The following PPP1R14C variants were observed in gnomAD, a reference collection of about 807,000 sequenced individuals.
PPP1R14C encodes protein phosphatase 1 regulatory subunit 14C.
PPP1R14C carries 16 observed loss-of-function variants against 20.4 expected under a neutral mutation model. That is an observed-to-expected ratio of 0.78 (90% CI 0.53 to 1.19). PPP1R14C has a LOEUF of 1.19. Ranked by LOEUF, PPP1R14C falls within the 50% of genes most tolerant of loss-of-function variation. The probability of loss-of-function intolerance (pLI) is 0.00; values close to 1 mark genes in which losing one functional copy is unlikely to be tolerated. For synonymous variants in PPP1R14C, 91 were observed against 91.0 expected (o/e 1.00, Z 0.00); for missense variants, 211 against 220.1 (o/e 0.96, Z 0.26).
chr6:150,160,795 C>A (rs865844371), intron 1 of PPP1R14C, among the ~76,000 whole-genome samples: 1 of 151,928 alleles, frequency 6.6e-6, no homozygotes, highest in African/African-American at 2.4e-5. Flanking sequence ...TTGGCTATTG[C>A]GAGCTGTTTC....
Position 150,144,910 on chromosome 6 carries a change from T to C in PPP1R14C, c.306+1412T>C, listed in dbSNP as rs1304611347. ...GCAAAACTCTGTAAAGAAACATTAT[T>C]TGATGTAGATGGGATTACTGTTGGA... On this transcript the variant is annotated intron_variant, in intron 1 of 3. Transcript: ENST00000361131. Among the ~76,000 whole-genome samples, 4 of 152,208 alleles carry C rather than the reference T, an allele frequency of 2.6e-5. No individual in the cohort carries two copies. In the South Asian group the frequency reaches 6.2e-4, roughly 24 times the overall value.
At chr6:150,167,943 G>GTTCTCCCCTTCTCTCCTCCCCCT (rs1582900406) in intron 1 of PPP1R14C, among the ~76,000 whole-genome samples, 16 of 9,946 alleles carry the variant, frequency 1.6e-3, no homozygotes, top group Middle Eastern at 0.062. Flanking sequence ...CCATGTCTCC[G>GTTCTCCCCTTCTCTCCTCCCCCT]TTCTCCCCTT....
Position 150,201,477 on chromosome 6 carries a change from T to C in PPP1R14C, c.307-13267T>C, listed in dbSNP as rs55747871. Among the ~76,000 whole-genome samples, 32,730 of 152,096 alleles carry C rather than the reference T, an allele frequency of 0.22. 4,232 individuals carry two copies. Among genetic ancestry groups the C allele is most frequent in the Non-Finnish European group, 0.29 (19,987 of 67,980 alleles). ...GTGGAGGCCTGGCTGGGGAGTGTCCTGAGGGATCGGAGGAGACCAGCGGAG... is the reference window on the plus strand; with the variant it reads ...GTGGAGGCCTGGCTGGGGAGTGTCCCGAGGGATCGGAGGAGACCAGCGGAG... On this transcript the variant is annotated intron_variant, in intron 1 of 3. Coordinates refer to ENST00000361131, the MANE Select transcript of PPP1R14C (RefSeq NM_030949.3). The surrounding 1 kb of genome is among the most constrained non-coding windows in gnomAD (Gnocchi z 4.2).
chr6:150,143,090 G>A lies in PPP1R14C; in HGVS notation c.-103G>A, dbSNP rs913659267. 69 of 1,127,492 alleles carry A rather than the reference G, an allele frequency of 6.1e-5. No homozygotes were observed. Among genetic ancestry groups the A allele is most frequent in the Non-Finnish European group, 7.3e-5 (68 of 926,058 alleles). 69.8% of individuals were successfully genotyped at this position (1,127,492 alleles called of 1,614,324 possible). ...GCGCGCGGCGCAGAGCAGGTGCCGG[G>A]GAGCCCTTCGCATGCGGCTGCCGGG... On this transcript the variant is annotated 5_prime_UTR_variant, in exon 1 of 4. Transcript: ENST00000361131. This position sits in a 1 kb window ranked among gnomAD's most constrained non-coding sequence, Gnocchi z 5.6.
intron 1 of PPP1R14C, among the ~76,000 whole-genome samples, chr6:150,182,741 A>G (rs1264247975): frequency 2.0e-5 from 3 of 152,234 alleles, no homozygotes; most frequent in African/African-American, 7.2e-5. Context: ...TAGGTACAAT[A>G]GCCAGCCATG....
intron 3 of PPP1R14C, among the ~76,000 whole-genome samples, chr6:150,228,819 TAAC>T (rs1263624236): frequency 6.6e-6 from 1 of 152,196 alleles, no homozygotes; most frequent in Admixed American, 6.5e-5. Context: ...ATGGTGATGA[TAAC>T]AATAATAATA....
chr6:150,208,192 T>C (rs1777978107), intron 1 of PPP1R14C, among the ~76,000 whole-genome samples: 1 of 151,876 alleles, frequency 6.6e-6, no homozygotes, highest in Non-Finnish European at 1.5e-5. Flanking sequence ...TTCGGAGGGG[T>C]CAAACCACAT....
intron 1 of PPP1R14C, among the ~76,000 whole-genome samples, chr6:150,198,436 G>A (rs1470419087): frequency 6.6e-6 from 1 of 152,266 alleles, no homozygotes; most frequent in East Asian, 1.9e-4. Flanking sequence ...CCAGGGAGGG[G>A]AGAGCTGCCC....
At chr6:150,204,749 C>A (rs1370103029) in intron 1 of PPP1R14C, among the ~76,000 whole-genome samples, 3 of 152,206 alleles carry the variant, frequency 2.0e-5, no homozygotes, top group Non-Finnish European at 4.4e-5. Flanking sequence ...CCTGGGTCTG[C>A]TTCTCTCCAA....
chr6:150,227,045 C>T (rs1778238374), intron 3 of PPP1R14C, among the ~76,000 whole-genome samples: 1 of 152,194 alleles, frequency 6.6e-6, no homozygotes, highest in African/African-American at 2.4e-5. Context: ...TTCAGACTAG[C>T]TTTGGTGATG....
chr6:150,198,750 T>G (rs549062157), intron 1 of PPP1R14C, among the ~76,000 whole-genome samples: 3 of 152,330 alleles, frequency 2.0e-5, no homozygotes, highest in Admixed American at 2.0e-4. Flanking sequence ...CTGCTGAGCT[T>G]GGCTTCCACA....
chr6:150,217,016 T>C (rs960962371), intron 3 of PPP1R14C, among the ~76,000 whole-genome samples, 160 bp downstream of exon 3: 25 of 152,218 alleles, frequency 1.6e-4, no homozygotes, highest in African/African-American at 5.8e-4. Context: ...TCTAACTTCA[T>C]TATTTCTAAG....
intron 1 of PPP1R14C, among the ~76,000 whole-genome samples, chr6:150,176,915 G>A (rs9479844): frequency 0.074 from 11,279 of 152,286 alleles, 559 homozygotes; most frequent in Non-Finnish European, 0.12. Flanking sequence ...AGATCACGAG[G>A]AAGGGCTAGT....
chr6:150,230,489 C>T (rs1309785047), intron 3 of PPP1R14C, among the ~76,000 whole-genome samples: 1 of 152,160 alleles, frequency 6.6e-6, no homozygotes, highest in East Asian at 1.9e-4. Context: ...CCTTTGGAAT[C>T]CTCATCTGCT....
At chr6:150,215,948 C>T (rs967512571) in intron 2 of PPP1R14C, among the ~76,000 whole-genome samples, 2 of 152,100 alleles carry the variant, frequency 1.3e-5, no homozygotes, top group Non-Finnish European at 2.9e-5. Context: ...AAGGTGTGTG[C>T]ATGCGCGTGT....
intron 1 of PPP1R14C, among the ~76,000 whole-genome samples, chr6:150,158,828 C>A (rs1300484195): frequency 2.0e-5 from 3 of 151,966 alleles, no homozygotes; most frequent in Non-Finnish European, 4.4e-5. Flanking sequence ...TTTCCATCTT[C>A]TTTTTGAGGA....
At chr6:150,247,453 G>A (rs1778506186) in intron 3 of PPP1R14C, among the ~76,000 whole-genome samples, 1 of 152,152 alleles carries the variant, frequency 6.6e-6, no homozygotes, top group South Asian at 2.1e-4. Flanking sequence ...TGTGTAAAGT[G>A]GGAACCATTC....
intron 1 of PPP1R14C, chr6:150,194,455 C>G (rs1335796004): frequency 1.0e-6 from 1 of 982,832 alleles, no homozygotes; most frequent in Non-Finnish European, 1.2e-6. Flanking sequence ...TTTTAAGTGG[C>G]ATGTGTAATT....
chr6:150,193,528 A>G (rs1777769476), intron 1 of PPP1R14C, among the ~76,000 whole-genome samples: 1 of 151,778 alleles, frequency 6.6e-6, no homozygotes, highest in Non-Finnish European at 1.5e-5. Flanking sequence ...CGGGAAAGAG[A>G]TCGGAAATGA....
Sources: gnomAD v4.1 joint callset for allele counts (sites outside exome capture counted in the v4.1 genomes callset) on GRCh38, gnomAD v4.1.1 for gene constraint, Gnocchi (gnomAD v3.1) non-coding constraint, MANE v1.5 for transcripts, NCBI Gene and HGNC (gene_info 2026-07-23, HGNC 2026-07-21) for gene names.